PPM1B: variants seen among roughly 807,000 people sequenced by gnomAD.
PPM1B encodes protein phosphatase 1B.
Under a neutral mutation model 43.0 loss-of-function variants are expected in PPM1B, and 22 were observed. The observed-to-expected ratio is 0.51, with a 90% CI of 0.37 to 0.73. The LOEUF (loss-of-function observed/expected upper bound fraction) is 0.73, where lower values mean the gene tolerates loss of function less well. Ranked by LOEUF, PPM1B falls within the 30% of genes least tolerant of loss-of-function variation. The pLI is 0.00. For synonymous variants in PPM1B, 217 were observed against 197.9 expected, an observed-to-expected ratio of 1.10 and a Z score of -0.81; for missense variants, 632 against 584.2, an observed-to-expected ratio of 1.08 and a Z score of -0.84.
At chr2:44,218,140 T>TA (rs1203706096) in intron 4 of PPM1B, 62 bp downstream of exon 4, 35 of 1,207,576 alleles carry the variant, frequency 2.9e-5, no homozygotes, top group African/African-American at 7.5e-5. Context: ...TAATTTGGGG[T>TA]AAAAAAACTT....
At chr2:44,169,769 C>T (rs529111485) in intron 1 of PPM1B, among the ~76,000 whole-genome samples, 1 of 152,302 alleles carries the variant, frequency 6.6e-6, no homozygotes, top group African/African-American at 2.4e-5. Flanking sequence ...TGCGTTCTAC[C>T]CTCGCCTTCC....
intron 1 of PPM1B, among the ~76,000 whole-genome samples, chr2:44,184,744 A>G (rs948202205): frequency 8.5e-5 from 13 of 152,106 alleles, no homozygotes; most frequent in Middle Eastern, 3.2e-3. Flanking sequence ...CCACAGACCC[A>G]CATAGGGATC....
At chr2:44,198,669 A>G (rs544286028) in intron 1 of PPM1B, among the ~76,000 whole-genome samples, 2 of 152,314 alleles carry the variant, frequency 1.3e-5, no homozygotes, top group East Asian at 3.9e-4. Flanking sequence ...ACAAAAATGA[A>G]ACGAAATAAT....
chr2:44,235,289 C>T (rs766450628), downstream of PPM1B, among the ~76,000 whole-genome samples: 1 of 152,106 alleles, frequency 6.6e-6, no homozygotes, highest in Non-Finnish European at 1.5e-5. Flanking sequence ...AATATTGATC[C>T]GTTATTCTGC....
chr2:44,207,570 A>T (rs964655829), intron 2 of PPM1B, among the ~76,000 whole-genome samples: 15 of 151,972 alleles, frequency 9.9e-5, no homozygotes, highest in African/African-American at 3.4e-4. Flanking sequence ...AGAGTAGTAT[A>T]TATGATATGC....
intron 1 of PPM1B, among the ~76,000 whole-genome samples, chr2:44,198,060 G>A (rs941432830): frequency 2.0e-4 from 30 of 152,278 alleles, no homozygotes; most frequent in Admixed American, 8.5e-4. Context: ...CTTAAGCCAC[G>A]CTTGCCAATG....
rs373215790 is a variant in PPM1B at position 44,214,149 on chromosome 2, G to A, written c.965-3818G>A. On this transcript the variant is annotated intron_variant, in intron 3 of 5. Coordinates refer to ENST00000282412, the MANE Select transcript of PPM1B (RefSeq NM_002706.6). ...GGCTGGAATGCAGTGGCGCGATCTC[G>A]GCTCACTGCAAGCTTAGCTGCCCGG... Among the ~76,000 whole-genome samples, 143 of 152,200 alleles carry A rather than the reference G, an allele frequency of 9.4e-4. 4 individuals carry two copies. In the South Asian group the frequency reaches 0.024, roughly 25 times the overall value.
chr2:44,202,739 A>G (rs765573617), intron 2 of PPM1B, among the ~76,000 whole-genome samples: 1 of 152,204 alleles, frequency 6.6e-6, no homozygotes, highest in African/African-American at 2.4e-5. Flanking sequence ...GTGGAACACT[A>G]AAGTTTATTT....
intron 5 of PPM1B, among the ~76,000 whole-genome samples, chr2:44,228,894 A>G (rs1406690158): frequency 6.6e-6 from 1 of 152,022 alleles, no homozygotes; most frequent in East Asian, 1.9e-4. Flanking sequence ...GAATGAAGAT[A>G]TTTTTCAGCC....
chr2:44,215,273 G>T (rs1669668673), intron 3 of PPM1B, among the ~76,000 whole-genome samples: 1 of 152,106 alleles, frequency 6.6e-6, no homozygotes. Context: ...TTCAAGACCA[G>T]CCTCGGCATC....
intron 3 of PPM1B, among the ~76,000 whole-genome samples, chr2:44,212,798 C>T (rs1239469103): frequency 2.0e-5 from 3 of 152,006 alleles, no homozygotes; most frequent in Non-Finnish European, 2.9e-5. Flanking sequence ...ATCACGAGGT[C>T]TGGAGATTGA....
Position 44,201,199 on chromosome 2 carries a change from C to G in PPM1B, c.-1C>G. On this transcript the variant is annotated 5_prime_UTR_variant, in exon 2 of 6. Transcript: ENST00000282412. The surrounding 1 kb of genome is among the most constrained non-coding windows in gnomAD (Gnocchi z 5.4). ...TTTTTATTTCAGATTTATTGCTAAA[C>G]ATGGGTGCATTTTTGGATAAACCCA... 1 of 1,580,460 alleles carries G rather than the reference C, an allele frequency of 6.3e-7. No homozygotes were observed. Among genetic ancestry groups the G allele is most frequent in the South Asian group, 1.2e-5 (1 of 86,168 alleles).
chr2:44,204,858 C>CAA (rs368660082), intron 2 of PPM1B, among the ~76,000 whole-genome samples: 907 of 36,592 alleles, frequency 0.025, 79 homozygotes, highest in African/African-American at 0.048. Flanking sequence ...GACTCCGTCT[C>CAA]AAAAAAAAAA....
chr2:44,232,276 A>T (rs763115475), downstream of PPM1B: 12 of 1,591,296 alleles, frequency 7.5e-6, no homozygotes, highest in Admixed American at 1.9e-4. Context: ...TGGAAGTGGC[A>T]TAGGTAAATA....
At position 44,230,677 on chromosome 2, in the gene PPM1B, A is replaced by G; in HGVS notation, c.1399A>G (p.Asn467Asp). 1 of 1,613,652 alleles carries G rather than the reference A, an allele frequency of 6.2e-7. No homozygotes were observed. Among genetic ancestry groups the G allele is most frequent in the Admixed American group, 1.7e-5 (1 of 60,006 alleles). Residue 467 changes from asparagine to aspartate, a missense_variant, in exon 6 of 6, where the codon AAT (asparagine) becomes GAT (aspartate). Transcript: ENST00000282412. ...ESGLAELDSSNEDAGTKMSGE... is the reference protein window; with the variant it reads ...ESGLAELDSSDEDAGTKMSGE... Reference sequence around the variant, plus strand: ...TGGTCTTGCTGAATTAGACAGCTCTAATGAAGATGCAGGGACAAAGATGAG... The same window carrying G: ...TGGTCTTGCTGAATTAGACAGCTCTGATGAAGATGCAGGGACAAAGATGAG...
At chr2:44,172,458 T>C (rs1342545428) in intron 1 of PPM1B, among the ~76,000 whole-genome samples, 1 of 152,250 alleles carries the variant, frequency 6.6e-6, no homozygotes, top group Non-Finnish European at 1.5e-5. Context: ...CATCAGCTTC[T>C]AGTGGCTGAT....
rs750223149 is a variant in PPM1B, at chr2:44,201,850, A to G, written c.651A>G (p.Glu217=). 9.3e-6 allele frequency: 15 copies of G among 1,614,112 alleles called. No homozygotes were observed. Among genetic ancestry groups the G allele is most frequent in the Non-Finnish European group, 1.2e-5 (14 of 1,180,040 alleles). ...YKCVDGKGPT[E]QLVSPEPEVY... ...GTGTTGATGGCAAGGGCCCAACAGAACAACTTGTTTCTCCAGAGCCTGAGG... is the reference window on the plus strand; with the variant it reads ...GTGTTGATGGCAAGGGCCCAACAGAGCAACTTGTTTCTCCAGAGCCTGAGG... Residue 217 remains glutamate, a synonymous_variant, in exon 2 of 6, where the codon GAA becomes GAG. Coordinates refer to ENST00000282412, the MANE Select transcript of PPM1B (RefSeq NM_002706.6). This position sits in a 1 kb window ranked among gnomAD's most constrained non-coding sequence, Gnocchi z 5.4.
At chr2:44,199,380 T>G (rs1668825856) in intron 1 of PPM1B, among the ~76,000 whole-genome samples, 1 of 149,898 alleles carries the variant, frequency 6.7e-6, no homozygotes, top group East Asian at 2.0e-4. Context: ...TCCCAGCTAC[T>G]TGGGTGGCTG....
intron 3 of PPM1B, 129 bp downstream of exon 3, chr2:44,209,456 A>C: frequency 9.5e-7 from 1 of 1,048,388 alleles, no homozygotes; most frequent in Non-Finnish European, 1.3e-6. Context: ...TTAGAGAGGG[A>C]AAGTATTCTT....
Sources: allele counts gnomAD v4.1 joint callset (sites outside exome capture counted in the v4.1 genomes callset), GRCh38; gene constraint gnomAD v4.1.1; non-coding constraint Gnocchi (gnomAD v3.1); transcripts MANE v1.5; gene names NCBI Gene and HGNC (gene_info 2026-07-23, HGNC 2026-07-21).